Variants in NBAS observed in about 807,000 individuals in gnomAD.
The protein encoded by NBAS is NAG/BC035112 fusion.
Under a neutral mutation model 302.5 loss-of-function variants are expected in NBAS, and 219 were observed. The ratio of observed to expected loss-of-function variants is 0.72; its 90% CI spans 0.65 to 0.81. NBAS has a LOEUF of 0.81. Among genes scored for constraint, NBAS ranks in the 30% least tolerant of loss-of-function variants. The pLI is 0.00. For missense variants in NBAS, 2,932 were observed against 2,841.6 expected (o/e 1.03, Z -0.72); for synonymous variants, 1,118 against 1,021.6 (o/e 1.09, Z -1.80).
intron 44 of NBAS, among the ~76,000 whole-genome samples, chr2:15,252,897 A>G (rs552373585): frequency 1.2e-4 from 19 of 152,218 alleles, no homozygotes; most frequent in Non-Finnish European, 2.4e-4. Flanking sequence ...AAAAATATAT[A>G]AAATGTGACA....
chr2:15,485,938 C>T (rs950902096), intron 12 of NBAS, among the ~76,000 whole-genome samples: 1 of 152,118 alleles, frequency 6.6e-6, no homozygotes, highest in Non-Finnish European at 1.5e-5. Context: ...AAATTAAATG[C>T]CTTCCATGTT....
the NBAS span, among the ~76,000 whole-genome samples, chr2:14,975,320 C>T: frequency 6.6e-6 from 1 of 152,168 alleles, no homozygotes; most frequent in African/African-American, 2.4e-5. Flanking sequence ...AATCAAAAGC[C>T]TATATGCCTC....
At chr2:15,224,421 C>T (rs1188655524) in intron 47 of NBAS, among the ~76,000 whole-genome samples, 2 of 152,206 alleles carry the variant, frequency 1.3e-5, no homozygotes, top group Non-Finnish European at 1.5e-5. Flanking sequence ...AAAACACACA[C>T]ATTTGAGATT....
rs377566018 is a variant in NBAS, at chr2:15,234,835, A to C, written c.5944-88T>G. The C allele has an allele frequency of 1.1e-5, 15 of 1,334,008 alleles. No individual in the cohort carries two copies. The African/African-American group carries it at 1.4e-4, about 13-fold the overall frequency. The allele number at this position is 1,334,008 out of a possible 1,614,324, so 82.6% of individuals were successfully genotyped here. On this transcript the variant is annotated intron_variant, in intron 45 of 51. Coordinates refer to ENST00000281513, the MANE Select transcript of NBAS (RefSeq NM_015909.4). ...AAAGTGAAACATATTTAGATCCTCG[A>C]ACCAAATACATGAAAAGCAGCAACA...
At chr2:15,003,848 C>T in the NBAS span, among the ~76,000 whole-genome samples, 1 of 152,180 alleles carries the variant, frequency 6.6e-6, no homozygotes, top group African/African-American at 2.4e-5. Flanking sequence ...ATTTCAAGTT[C>T]TCCACTGGAT....
chr2:15,093,950 G>T, the NBAS span, among the ~76,000 whole-genome samples: 1 of 152,134 alleles, frequency 6.6e-6, no homozygotes, highest in Non-Finnish European at 1.5e-5. Context: ...CAGATGTAAA[G>T]TGTTATCTCA....
At chr2:15,149,070 C>A in the NBAS span, among the ~76,000 whole-genome samples, 1 of 152,152 alleles carries the variant, frequency 6.6e-6, no homozygotes, top group Admixed American at 6.5e-5. Context: ...TGGAATGTGT[C>A]CCCCAAAGTC....
chr2:15,112,177 T>C, the NBAS span, among the ~76,000 whole-genome samples: 12 of 150,344 alleles, frequency 8.0e-5, no homozygotes, highest in African/African-American at 2.9e-4. Context: ...ATGTTAAAAA[T>C]GATGTAAGAG....
the NBAS span, among the ~76,000 whole-genome samples, chr2:14,988,370 C>T: frequency 6.6e-6 from 1 of 152,122 alleles, no homozygotes. Context: ...TATAAACAGA[C>T]CCATCTACTA....
chr2:14,995,115 T>G, the NBAS span, among the ~76,000 whole-genome samples: 3 of 152,190 alleles, frequency 2.0e-5, no homozygotes, highest in Non-Finnish European at 4.4e-5. Context: ...AACGTGCCGG[T>G]TTGTTACATA....
the NBAS span, among the ~76,000 whole-genome samples, chr2:14,837,736 TA>T: frequency 1.3e-5 from 2 of 151,714 alleles, no homozygotes; most frequent in Non-Finnish European, 3.0e-5. Flanking sequence ...TTATGAACCC[TA>T]AAAAAATTAT....
the NBAS span, among the ~76,000 whole-genome samples, chr2:14,881,415 G>A: frequency 6.6e-6 from 1 of 152,162 alleles, no homozygotes; most frequent in Admixed American, 6.5e-5. Flanking sequence ...TGGGAGCTAT[G>A]TTCATTATTT....
In NBAS at chr2:15,292,569, C is replaced by T; in HGVS notation, c.4995G>A (p.Gln1665=). The change falls in exon 41 of 52, where the codon CAG becomes CAA. Residue 1665 remains glutamine, a synonymous_variant. Coordinates refer to ENST00000281513, the MANE Select transcript of NBAS (RefSeq NM_015909.4). ...GACCAAGGATAGTTTCCCTTTTATACTGGTCATCTGCAGTAAACCGCTGCA... is the reference window on the plus strand; with the variant it reads ...GACCAAGGATAGTTTCCCTTTTATATTGGTCATCTGCAGTAAACCGCTGCA... The part of the protein sequence containing the change: ...VDVQRFTADD[Q]YKRETILGLA... 1 of 1,614,170 alleles carries T rather than the reference C, an allele frequency of 6.2e-7. No homozygotes were observed. Among genetic ancestry groups the T allele is most frequent in the Non-Finnish European group, 8.5e-7 (1 of 1,180,032 alleles).
the NBAS span, among the ~76,000 whole-genome samples, chr2:15,031,545 A>G: frequency 7.6e-3 from 1,159 of 152,286 alleles, 12 homozygotes; most frequent in South Asian, 0.032. Context: ...GTTGGATAAA[A>G]GACAAGAGAG....
Position 15,495,247 on chromosome 2 carries a change from T to C in NBAS, c.955-6225A>G, listed in dbSNP as rs145645799. Among the ~76,000 whole-genome samples the C allele has an allele frequency of 2.3e-3, 345 of 152,284 alleles. 4 individuals are homozygous for C. Among genetic ancestry groups the C allele is most frequent in the African/African-American group, 7.2e-3 (300 of 41,566 alleles). Reference sequence around the variant, plus strand: ...TTGTACAGGGGAAGTCCCATACTAATGTCATCAAAAACAGATACGATCCTC... The same window carrying C: ...TTGTACAGGGGAAGTCCCATACTAACGTCATCAAAAACAGATACGATCCTC... On this transcript the variant is annotated intron_variant, in intron 11 of 51. Transcript: ENST00000281513.
chr2:15,394,594 A>G (rs1312985628), intron 27 of NBAS, among the ~76,000 whole-genome samples: 1 of 152,128 alleles, frequency 6.6e-6, no homozygotes, highest in Admixed American at 6.5e-5. Flanking sequence ...ACTAAAAGAA[A>G]GCATAACCTA....
chr2:15,554,131 G>A lies in NBAS; in HGVS notation c.217C>T (p.Pro73Ser), dbSNP rs776663006. 2 of 1,613,316 alleles carry A rather than the reference G, an allele frequency of 1.2e-6. No individual in the cohort carries two copies. Among genetic ancestry groups the A allele is most frequent in the Non-Finnish European group, 1.7e-6 (2 of 1,179,534 alleles). Reference sequence around the variant, plus strand: ...ACCAGTCCATCAGGGAGCAAAAAAGGTGCCGGGCTGAAATCACAACACATT... The same window carrying A: ...ACCAGTCCATCAGGGAGCAAAAAAGATGCCGGGCTGAAATCACAACACATT... ...LRQYIWYSPA[P>S]FLLPDGLVRL... The change falls in exon 4 of 52, where the codon CCT becomes TCT. Residue 73 changes from proline (P) to serine (S), a missense_variant. By Grantham distance (74) the Pro-to-Ser change is moderately conservative. Transcript: ENST00000281513.
At chr2:15,538,826 T>C (rs1420205612) in intron 7 of NBAS, among the ~76,000 whole-genome samples, 2 of 152,214 alleles carry the variant, frequency 1.3e-5, no homozygotes, top group South Asian at 2.1e-4. Flanking sequence ...TAAAATAGTA[T>C]ACAAATACAA....
the NBAS span, among the ~76,000 whole-genome samples, chr2:14,941,574 C>T: frequency 6.6e-6 from 1 of 152,292 alleles, no homozygotes; most frequent in African/African-American, 2.4e-5. Flanking sequence ...GGTCTGCTGA[C>T]GGGCTCAAAA....
Sources: gnomAD v4.1 joint callset for allele counts (sites outside exome capture counted in the v4.1 genomes callset) on GRCh38, gnomAD v4.1.1 for gene constraint, MANE v1.5 for transcripts, NCBI Gene and HGNC (gene_info 2026-07-23, HGNC 2026-07-21) for gene names.